ZFR2: variants seen among roughly 807,000 people sequenced by gnomAD.
The protein encoded by ZFR2 is zinc finger RNA-binding protein 2.
A neutral mutation model predicts 105.7 loss-of-function variants in ZFR2; 104 were observed. That is an observed-to-expected ratio of 0.98 (90% CI 0.84 to 1.16). The LOEUF is 1.16. Ranked by LOEUF, ZFR2 falls within the 50% of genes most tolerant of loss-of-function variation. The pLI is 0.00. For synonymous variants in ZFR2, 634 were observed against 597.7 expected (o/e 1.06, Z -0.89); for missense variants, 1,425 against 1,355.5 (o/e 1.05, Z -0.80).
intron 1 of ZFR2, chr19:3,852,473 T>G: frequency 1.4e-6 from 1 of 718,520 alleles, no homozygotes; most frequent in East Asian, 2.7e-5. Flanking sequence ...CAGGGTCCCA[T>G]AAGATGGAGC....
rs1486345092 is a variant in ZFR2, at chr19:3,838,350, TA to T, written c.54-3368del. Among the ~76,000 whole-genome samples the T allele has an allele frequency of 2.0e-5, 3 of 152,158 alleles. No individual in the cohort carries two copies. Among genetic ancestry groups the T allele is most frequent in the Admixed American group, 1.3e-4 (2 of 15,262 alleles). On this transcript the variant is annotated intron_variant, in intron 1 of 18. Transcript: ENST00000262961. The surrounding 1 kb of genome is among the most constrained non-coding windows in gnomAD (Gnocchi z 4.9). ...TCCCACACTCCCTCCCGTAGGTGGC[TA>T]TGAAGAAAACAGAACTACAGAGTGA...
At chr19:3,852,293 G>A in intron 1 of ZFR2, 1 of 612,338 alleles carries the variant, frequency 1.6e-6, no homozygotes, top group Non-Finnish European at 3.0e-6. Context: ...GGCTGAGGTG[G>A]GGTTCAGCTG....
rs2145168941 is a variant in ZFR2 at position 3,838,793 on chromosome 19, C to G, written c.54-3810G>C. 6.6e-6 allele frequency among the ~76,000 whole-genome samples: 1 copy of G among 152,284 alleles called. No homozygotes were observed. Among genetic ancestry groups the G allele is most frequent in the Middle Eastern group, 3.4e-3 (1 of 294 alleles). On this transcript the variant is annotated intron_variant, in intron 1 of 18. Transcript: ENST00000262961. The surrounding 1 kb of genome is among the most constrained non-coding windows in gnomAD (Gnocchi z 4.9). ...CTGCTTTTTCTTCTTCCTGGCACCA[C>G]CCAGTATACACTGCACGTCTGTCCA...
chr19:3,821,571 C>A, intron 9 of ZFR2, 92 bp from the exon 10 acceptor site: 9 of 957,248 alleles, frequency 9.4e-6, no homozygotes, highest in Non-Finnish European at 1.3e-5. Flanking sequence ...GGCCCAGAGA[C>A]TAGAACTGTT....
chr19:3,821,157 C>T (rs1293872057), intron 10 of ZFR2, among the ~76,000 whole-genome samples, 183 bp downstream of exon 10: 1 of 152,124 alleles, frequency 6.6e-6, no homozygotes, highest in East Asian at 1.9e-4. Context: ...CCTTGCCCGT[C>T]TGCTCTGGAA....
chr19:3,832,864 C>G (rs570169436), intron 3 of ZFR2, among the ~76,000 whole-genome samples: 1 of 151,428 alleles, frequency 6.6e-6, no homozygotes, highest in South Asian at 2.1e-4. Context: ...GTCTCGAACT[C>G]CTAGGTTCAA....
intron 1 of ZFR2, chr19:3,855,649 G>C (rs185098480): frequency 2.5e-4 from 98 of 399,060 alleles, no homozygotes; most frequent in African/African-American, 1.9e-3. Flanking sequence ...CGCGGCAAGG[G>C]GGTGTGAGCA....
At position 3,825,270 on chromosome 19, in the gene ZFR2, C is replaced by A; in HGVS notation, c.1173G>T (p.Ala391=). The change falls in exon 7 of 19, where the codon GCG becomes GCT. Residue 391 remains alanine, a synonymous_variant. Transcript: ENST00000262961. ...TCGAGGCCACGGGTCTCTTGGCCAGCGCTGGCCTGCTCGAGGCACACACGC... is the reference window on the plus strand; with the variant it reads ...TCGAGGCCACGGGTCTCTTGGCCAGAGCTGGCCTGCTCGAGGCACACACGC... The part of the protein sequence containing the change: ...GPSVCASSRP[A]LAKRPVASKA... 1 of 1,572,976 alleles carries A rather than the reference C, an allele frequency of 6.4e-7. No homozygotes were observed. Among genetic ancestry groups the A allele is most frequent in the Admixed American group, 2.0e-5 (1 of 49,830 alleles).
intron 1 of ZFR2, among the ~76,000 whole-genome samples, chr19:3,844,864 G>A (rs546841485): frequency 6.6e-6 from 1 of 152,270 alleles, no homozygotes; most frequent in East Asian, 1.9e-4. Context: ...GCTCCCCGTG[G>A]CCCACTCCCG....
At chr19:3,824,235 G>A (rs1175321357) in intron 7 of ZFR2, among the ~76,000 whole-genome samples, 1 of 152,196 alleles carries the variant, frequency 6.6e-6, no homozygotes, top group Non-Finnish European at 1.5e-5. Context: ...AGGAGGTGGA[G>A]GCTGCAGTGA....
At chr19:3,846,541 C>CTTCT (rs2038186325) in intron 1 of ZFR2, among the ~76,000 whole-genome samples, 1 of 152,152 alleles carries the variant, frequency 6.6e-6, no homozygotes. Flanking sequence ...TCCATCTGTA[C>CTTCT]TTCTGCCCTG....
intron 7 of ZFR2, among the ~76,000 whole-genome samples, chr19:3,824,683 T>C (rs2037929941): frequency 6.6e-6 from 1 of 152,182 alleles, no homozygotes; most frequent in Admixed American, 6.5e-5. Context: ...ACGCCTGTGA[T>C]CCCAGCACTT....
At chr19:3,859,298 C>T (rs1206511387) in intron 1 of ZFR2, among the ~76,000 whole-genome samples, 2 of 152,198 alleles carry the variant, frequency 1.3e-5, no homozygotes, top group African/African-American at 4.8e-5. Context: ...GGCTCTCGGG[C>T]CTTTGGCCAC....
intron 11 of ZFR2, 119 bp downstream of exon 11, chr19:3,820,063 C>T: frequency 2.0e-6 from 2 of 989,134 alleles, no homozygotes; most frequent in Non-Finnish European, 3.0e-6. Flanking sequence ...GGCCATGGAG[C>T]CCCATCCCCT....
At chr19:3,820,455 C>T (rs1418878654) in intron 10 of ZFR2, among the ~76,000 whole-genome samples, 165 bp from the exon 11 acceptor site, 1 of 152,200 alleles carries the variant, frequency 6.6e-6, no homozygotes, top group Non-Finnish European at 1.5e-5. Flanking sequence ...GCACAGAAGA[C>T]TGAGGCTGGG....
At chr19:3,831,949 T>C in intron 3 of ZFR2, 71 bp from the exon 4 acceptor site, 1 of 1,298,002 alleles carries the variant, frequency 7.7e-7, no homozygotes. Context: ...AGATGGGCCC[T>C]GGACTCAACT....
chr19:3,842,146 G>A (rs1016718092), intron 1 of ZFR2, among the ~76,000 whole-genome samples: 1 of 151,938 alleles, frequency 6.6e-6, no homozygotes, highest in African/African-American at 2.4e-5. Flanking sequence ...CTGAGTAGCT[G>A]GGACTACAGG....
chr19:3,810,613 C>T (rs905776545), intron 16 of ZFR2, 137 bp downstream of exon 16: 1 of 753,444 alleles, frequency 1.3e-6, no homozygotes, highest in Non-Finnish European at 2.0e-6. Context: ...TCAGGGACTC[C>T]CACGGCCTCT....
chr19:3,827,556 G>T lies in ZFR2; in HGVS notation c.950C>A (p.Ala317Glu). ...QPNGSPRGVQ[A>E]QLHCDLCAVS... ...GGCGCACAGGTCGCAATGCAGCTGC[G>T]CCTGCACCCCGCGCGGGCTCCCGTT... The change falls in exon 6 of 19, where the codon GCG becomes GAG. Residue 317 changes from alanine (A) to glutamate (E), a missense_variant. Ala to Glu is a moderately radical substitution (Grantham distance 107). Coordinates refer to ENST00000262961, the MANE Select transcript of ZFR2 (RefSeq NM_015174.2). The T allele has an allele frequency of 1.3e-6, 2 of 1,564,298 alleles. No homozygotes were observed. The highest frequency in any genetic ancestry group is 1.7e-6 in the Non-Finnish European group (2 of 1,154,940).
Sources: gnomAD v4.1 joint callset for allele counts (sites outside exome capture counted in the v4.1 genomes callset) on GRCh38, gnomAD v4.1.1 for gene constraint, Gnocchi (gnomAD v3.1) non-coding constraint, MANE v1.5 for transcripts, NCBI Gene and HGNC (gene_info 2026-07-23, HGNC 2026-07-21) for gene names.